SGF29: variants seen among roughly 807,000 people sequenced by gnomAD.
SGF29 encodes the protein SAGA-associated factor 29.
Under a neutral mutation model 38.1 loss-of-function variants are expected in SGF29, and 15 were observed. That is an observed-to-expected ratio of 0.39 (90% confidence interval 0.26 to 0.61). SGF29 has a LOEUF of 0.61. Ranked by LOEUF, SGF29 falls within the 20% of genes least tolerant of loss-of-function variation. The pLI is 0.49. For synonymous variants in SGF29, 151 were observed against 160.8 expected, an observed-to-expected ratio of 0.94 and a Z score of 0.46; for missense variants, 184 against 394.6, an observed-to-expected ratio of 0.47 and a Z score of 4.52.
chr16:28,568,138 C>T (rs930911645), intron 1 of SGF29, among the ~76,000 whole-genome samples: 1 of 151,546 alleles, frequency 6.6e-6, no homozygotes, highest in East Asian at 1.9e-4. Flanking sequence ...CATGGTGAAA[C>T]CCCATCTCTA....
intron 1 of SGF29, among the ~76,000 whole-genome samples, chr16:28,574,564 T>TG: frequency 1.3e-5 from 2 of 152,276 alleles, no homozygotes; most frequent in South Asian, 2.1e-4. Context: ...ACCTAGTGGG[T>TG]GGGGGAGAGC....
chr16:28,555,692 C>T (rs928096983), intron 1 of SGF29, among the ~76,000 whole-genome samples: 2 of 152,334 alleles, frequency 1.3e-5, no homozygotes, highest in South Asian at 4.1e-4. Flanking sequence ...CAGACACACT[C>T]TAAAGTGTTT....
At chr16:28,584,128 C>T (rs1330064277) in intron 2 of SGF29, among the ~76,000 whole-genome samples, 1 of 151,472 alleles carries the variant, frequency 6.6e-6, no homozygotes, top group Non-Finnish European at 1.5e-5. Context: ...GTAGCTAGGA[C>T]TATACGCACA....
chr16:28,564,763 G>T (rs201161121), intron 1 of SGF29, among the ~76,000 whole-genome samples: 1 of 35,660 alleles, frequency 2.8e-5, no homozygotes, highest in Non-Finnish European at 4.8e-5. Context: ...ATGTATATAT[G>T]TATATATATG....
intron 1 of SGF29, among the ~76,000 whole-genome samples, chr16:28,570,173 C>A (rs1013904488): frequency 2.0e-5 from 3 of 152,240 alleles, no homozygotes; most frequent in Admixed American, 6.5e-5. Flanking sequence ...GCAACTCCAA[C>A]AAGTGAGGGC....
At chr16:28,555,775 T>A (rs559687476) in intron 1 of SGF29, among the ~76,000 whole-genome samples, 1 of 152,352 alleles carries the variant, frequency 6.6e-6, no homozygotes, top group African/African-American at 2.4e-5. Context: ...TCCCTAGCTT[T>A]GTTTTTCAGT....
chr16:28,582,939 AAAAT>A (rs963326645), intron 2 of SGF29, among the ~76,000 whole-genome samples: 5 of 152,232 alleles, frequency 3.3e-5, no homozygotes, highest in South Asian at 2.1e-4. Context: ...CCGTCTCAAA[AAAAT>A]AAATAAAGGA....
Position 28,590,848 on chromosome 16 carries a change from C to T in SGF29, c.678C>T (p.Ala226=), listed in dbSNP as rs1431908499. 6.2e-7 allele frequency: 1 copy of T among 1,614,056 alleles called. No individual in the cohort carries two copies. Among genetic ancestry groups the T allele is most frequent in the South Asian group, 1.1e-5 (1 of 91,086 alleles). Residue 226 remains alanine (A), a synonymous_variant, in exon 9 of 10, where the codon GCC becomes GCT. Transcript: ENST00000317058. The surrounding 1 kb of genome is among the most constrained non-coding windows in gnomAD (Gnocchi z 8.2). ...WKANPETDPE[A]LFQKEQLVLA... is the part of the protein sequence containing the mutation. ...CCAACCCGGAGACGGACCCTGAGGC[C>T]TTGTTCCAGAAGGAGCAGCTCGTGC...
chr16:28,582,337 A>G (rs2046931024), intron 2 of SGF29, among the ~76,000 whole-genome samples: 1 of 152,024 alleles, frequency 6.6e-6, no homozygotes, highest in Non-Finnish European at 1.5e-5. Flanking sequence ...GGTGGAGCAC[A>G]GAGGATTTTA....
At chr16:28,560,747 G>A (rs1181473258) in intron 1 of SGF29, among the ~76,000 whole-genome samples, 1 of 152,002 alleles carries the variant, frequency 6.6e-6, no homozygotes, top group African/African-American at 2.4e-5. Context: ...GGATCACGAG[G>A]TCAGCAGATC....
At chr16:28,576,054 G>A (rs1394204055) in intron 1 of SGF29, among the ~76,000 whole-genome samples, 1 of 152,218 alleles carries the variant, frequency 6.6e-6, no homozygotes, top group Non-Finnish European at 1.5e-5. Context: ...CACATTGCAG[G>A]TGGGAATGTA....
chr16:28,562,948 A>G (rs2046798685), intron 1 of SGF29, among the ~76,000 whole-genome samples: 1 of 148,188 alleles, frequency 6.7e-6, no homozygotes, highest in Admixed American at 6.8e-5. Flanking sequence ...TTCTACTTTT[A>G]AGGGGCTTGA....
chr16:28,566,555 A>G (rs1393059447), intron 1 of SGF29, among the ~76,000 whole-genome samples: 1 of 151,916 alleles, frequency 6.6e-6, no homozygotes, highest in East Asian at 2.0e-4. Flanking sequence ...TTTCAGAGCC[A>G]AGGTGGGCAA....
chr16:28,585,498 C>T (rs373948279), intron 3 of SGF29, 150 bp from the exon 4 acceptor site: 37 of 693,218 alleles, frequency 5.3e-5, no homozygotes, highest in South Asian at 3.6e-4. Context: ...TGGGGGCATC[C>T]GCCTCAGGAG....
intron 1 of SGF29, among the ~76,000 whole-genome samples, chr16:28,563,715 C>CTTTTTTTTTTTTTT (rs11445174): frequency 1.2e-5 from 1 of 80,824 alleles, no homozygotes; most frequent in African/African-American, 4.7e-5. Flanking sequence ...GAGAAACAGA[C>CTTTTTTTTTTTTTT]TTTTTTTTTT....
chr16:28,560,732 C>T (rs1390622737), intron 1 of SGF29, among the ~76,000 whole-genome samples: 2 of 151,832 alleles, frequency 1.3e-5, no homozygotes, highest in Non-Finnish European at 2.9e-5. Context: ...GAGGCCAAGG[C>T]AGGCGGATCA....
chr16:28,583,388 C>G (rs559605048), intron 2 of SGF29, among the ~76,000 whole-genome samples: 1 of 152,174 alleles, frequency 6.6e-6, no homozygotes, highest in African/African-American at 2.4e-5. Context: ...AAGTATCCCC[C>G]CCCAACCCCA....
At chr16:28,556,925 G>C (rs561939779) in intron 1 of SGF29, among the ~76,000 whole-genome samples, 1 of 152,296 alleles carries the variant, frequency 6.6e-6, no homozygotes, top group South Asian at 2.1e-4. Context: ...TGGGATTACG[G>C]TCATGAGCCA....
chr16:28,573,628 G>A (rs976809954), intron 1 of SGF29, among the ~76,000 whole-genome samples: 2 of 152,180 alleles, frequency 1.3e-5, no homozygotes, highest in Admixed American at 1.3e-4. Flanking sequence ...GAAAGGATTC[G>A]CTGACAGTCG....
Sources: allele counts gnomAD v4.1 joint callset (sites outside exome capture counted in the v4.1 genomes callset), GRCh38; gene constraint gnomAD v4.1.1; non-coding constraint Gnocchi (gnomAD v3.1); transcripts MANE v1.5; gene names NCBI Gene and HGNC (gene_info 2026-07-23, HGNC 2026-07-21).